The following HEMK2 variants were observed in gnomAD, a reference collection of about 807,000 sequenced individuals.
The protein encoded by HEMK2 is methyltransferase HEMK2.
chr21:28,664,729 C>A, the HEMK2 span, among the ~76,000 whole-genome samples: 1 of 152,040 alleles, frequency 6.6e-6, no homozygotes, highest in Non-Finnish European at 1.5e-5. Flanking sequence ...GCTTCAGTCT[C>A]TAATAATAAT....
chr21:28,625,818 G>A, the HEMK2 span, among the ~76,000 whole-genome samples: 1 of 144,936 alleles, frequency 6.9e-6, no homozygotes, highest in South Asian at 2.2e-4. Flanking sequence ...GATACCAGAT[G>A]GAAATATGGA....
At chr21:28,589,325 T>C in the HEMK2 span, among the ~76,000 whole-genome samples, 97 of 152,222 alleles carry the variant, frequency 6.4e-4, no homozygotes, top group Non-Finnish European at 1.0e-3. Flanking sequence ...AAAAAAACCA[T>C]CTAGGAGATC....
chr21:28,789,444 C>T, the HEMK2 span, among the ~76,000 whole-genome samples: 1 of 152,040 alleles, frequency 6.6e-6, no homozygotes, highest in African/African-American at 2.4e-5. Context: ...GCCTAAGGGG[C>T]ATGGGAGAGG....
At chr21:28,717,785 GTCA>G in the HEMK2 span, among the ~76,000 whole-genome samples, 1 of 151,886 alleles carries the variant, frequency 6.6e-6, no homozygotes, top group Non-Finnish European at 1.5e-5. Context: ...TGGCCATCTA[GTCA>G]TTTCTGATTG....
the HEMK2 span, among the ~76,000 whole-genome samples, chr21:28,633,751 A>G: frequency 6.6e-6 from 1 of 152,194 alleles, no homozygotes; most frequent in Non-Finnish European, 1.5e-5. Context: ...ATTGTAATAC[A>G]ATACGAATAG....
At chr21:28,742,008 G>C in the HEMK2 span, among the ~76,000 whole-genome samples, 7 of 152,302 alleles carry the variant, frequency 4.6e-5, no homozygotes, top group Non-Finnish European at 8.8e-5. Flanking sequence ...TACAGGGAAA[G>C]CAAGCCTGGG....
At chr21:28,575,677 A>G in the HEMK2 span, among the ~76,000 whole-genome samples, 1 of 152,172 alleles carries the variant, frequency 6.6e-6, no homozygotes, top group Non-Finnish European at 1.5e-5. Context: ...AGTTCAATAA[A>G]TTTTGACAAA....
chr21:28,576,126 C>T, the HEMK2 span, among the ~76,000 whole-genome samples: 8 of 152,292 alleles, frequency 5.3e-5, no homozygotes, highest in Admixed American at 5.2e-4. Context: ...ATCTCTGGGT[C>T]ATATTGTAAA....
the HEMK2 span, among the ~76,000 whole-genome samples, chr21:28,727,581 G>C: frequency 6.6e-6 from 1 of 152,224 alleles, no homozygotes; most frequent in African/African-American, 2.4e-5. Context: ...TAGAATTCAT[G>C]AAGTGCAATC....
chr21:28,772,833 AT>A, the HEMK2 span, among the ~76,000 whole-genome samples: 761 of 152,052 alleles, frequency 5.0e-3, 5 homozygotes, highest in African/African-American at 0.017. Context: ...TTTGCTCTAC[AT>A]TATATTTGTC....
chr21:28,683,138 T>C, the HEMK2 span, among the ~76,000 whole-genome samples: 6 of 151,206 alleles, frequency 4.0e-5, no homozygotes, highest in Non-Finnish European at 8.8e-5. Context: ...ATTTATATTA[T>C]ATTTTAAAGG....
At chr21:28,738,932 C>T in the HEMK2 span, among the ~76,000 whole-genome samples, 1 of 152,178 alleles carries the variant, frequency 6.6e-6, no homozygotes, top group African/African-American at 2.4e-5. Flanking sequence ...ATGCATTTTG[C>T]TTTCAATTAG....
At chr21:28,878,298 A>G in the HEMK2 span, 3 of 1,613,268 alleles carry the variant, frequency 1.9e-6, no homozygotes, top group South Asian at 1.1e-5. Context: ...CATTTCTGCC[A>G]CCAGCCCAAG....
chr21:28,825,694 T>C, the HEMK2 span, among the ~76,000 whole-genome samples: 2 of 152,234 alleles, frequency 1.3e-5, no homozygotes, highest in Non-Finnish European at 2.9e-5. Flanking sequence ...GAGCACAGAC[T>C]TAATGGTCAG....
the HEMK2 span, among the ~76,000 whole-genome samples, chr21:28,693,934 AT>A: frequency 5.3e-5 from 8 of 152,238 alleles, no homozygotes; most frequent in East Asian, 1.3e-3. Flanking sequence ...TCAAGAGAGA[AT>A]TTTTTTTCAA....
the HEMK2 span, among the ~76,000 whole-genome samples, chr21:28,649,155 G>A: frequency 6.6e-6 from 1 of 152,102 alleles, no homozygotes; most frequent in African/African-American, 2.4e-5. Flanking sequence ...GAAGAGCTAA[G>A]CACTAACCAG....
chr21:28,723,765 C>T, the HEMK2 span, among the ~76,000 whole-genome samples: 5 of 152,164 alleles, frequency 3.3e-5, no homozygotes, highest in Non-Finnish European at 5.9e-5. Flanking sequence ...TAGCCTGGCA[C>T]GTACTACGAA....
At chr21:28,674,896 C>T in the HEMK2 span, 4 of 152,150 alleles carry the variant, frequency 2.6e-5, no homozygotes, top group Non-Finnish European at 4.4e-5. Flanking sequence ...GAGCATTAAT[C>T]CCACCCATGA....
the HEMK2 span, among the ~76,000 whole-genome samples, chr21:28,661,112 AT>A: frequency 1.3e-5 from 2 of 151,966 alleles, no homozygotes; most frequent in Non-Finnish European, 2.9e-5. Flanking sequence ...TTTCCTCATC[AT>A]TCTTCCCAGG....
Sources: gnomAD v4.1 joint callset for allele counts (sites outside exome capture counted in the v4.1 genomes callset) on GRCh38, gnomAD v4.1.1 for gene constraint, MANE v1.5 for transcripts, NCBI Gene and HGNC (gene_info 2026-07-23, HGNC 2026-07-21) for gene names.